PRSS53: variants seen among roughly 807,000 people sequenced by gnomAD.
The protein encoded by PRSS53 is serine protease 53, also known as EDTP308.
Under a neutral mutation model 62.7 loss-of-function variants are expected in PRSS53, and 54 were observed. That is an observed-to-expected ratio of 0.86 (90% CI 0.69 to 1.08). PRSS53 has a LOEUF of 1.08. PRSS53 is among the 50% of genes least tolerant of loss of function. The pLI, the probability that PRSS53 is intolerant of heterozygous loss-of-function variation, is 0.00. For missense variants in PRSS53, 688 were observed against 728.3 expected, an observed-to-expected ratio of 0.94 and a Z score of 0.64; for synonymous variants, 273 against 300.0, an observed-to-expected ratio of 0.91 and a Z score of 0.93.
Position 31,085,105 on chromosome 16 carries a change from C to CT in PRSS53, c.1034+4dup. 6.2e-7 allele frequency: 1 copy of CT among 1,613,078 alleles called. No homozygotes were observed. The highest frequency in any genetic ancestry group is 8.5e-7 in the Non-Finnish European group (1 of 1,179,692). On this transcript the variant is annotated splice_donor_region_variant and intron_variant, in intron 7 of 10. Coordinates refer to ENST00000280606, the Ensembl canonical transcript of PRSS53. ...GGGCACAGCAGAGAGGGATCCAAGA[C>CT]TCACCCAATGAAGCAGTGGGCAGCA...
chr16:31,088,429 A>T, intron 1 of PRSS53: 1 of 1,227,000 alleles, frequency 8.1e-7, no homozygotes, highest in Non-Finnish European at 1.0e-6. Context: ...AGGGAAACTG[A>T]GGCCAGAGGA....
At chr16:31,088,688 G>A (rs1454978366) in intron 1 of PRSS53, 64 bp downstream of exon 1, 8 of 1,607,386 alleles carry the variant, frequency 5.0e-6, no homozygotes, top group Middle Eastern at 2.1e-4. Flanking sequence ...AGGGACTGCT[G>A]GGGCAGAGAT....
At position 31,087,059 on chromosome 16, in the gene PRSS53, T is replaced by C. The variant is rs968492981; in HGVS notation, c.243-161A>G. Reference sequence around the variant, plus strand: ...TCGCCCAGGCTGCAGTGCAGTGGCATGACCATGACTCACTACAAGCCTTGA... The same window carrying C: ...TCGCCCAGGCTGCAGTGCAGTGGCACGACCATGACTCACTACAAGCCTTGA... On this transcript the variant is annotated intron_variant, in intron 3 of 10. Coordinates refer to ENST00000280606, the Ensembl canonical transcript of PRSS53. The C allele has an allele frequency of 8.6e-6, 6 of 696,710 alleles. No individual in the cohort carries two copies. In the Admixed American group the frequency reaches 1.0e-4, roughly 12 times the overall value. The allele number at this position is 696,710 out of a possible 1,614,324, so 43.2% of individuals were successfully genotyped here. A position where few individuals can be genotyped will look rare whatever the true frequency, so the allele number is the denominator to read the frequency against.
rs572544691 is a variant in PRSS53, at chr16:31,084,442, C to G, written c.1426-107G>C. On this transcript the variant is annotated intron_variant, in intron 9 of 10. Coordinates refer to ENST00000280606, the Ensembl canonical transcript of PRSS53. ...GTTTGGGGGCTAATTGGCAAAAAGG[C>G]TTAGTTTCAGGTGGGAGGTGGGTCC... 29 of 1,495,108 alleles carry G rather than the reference C, an allele frequency of 1.9e-5. No homozygotes were observed. In the African/African-American group the frequency reaches 3.5e-4, roughly 18 times the overall value. 92.6% of individuals were successfully genotyped at this position (1,495,108 alleles called of 1,614,324 possible).
chr16:31,084,669 G>A lies in PRSS53; in HGVS notation c.1314C>T (p.Leu438=), dbSNP rs747541964. ...GCCGGCTGCAGGCCCTAGGCCCCAGGAGGGTCACGGGCACTGTCTGGAGGG... is the reference window on the plus strand; with the variant it reads ...GCCGGCTGCAGGCCCTAGGCCCCAGAAGGGTCACGGGCACTGTCTGGAGGG... Residue 438 remains leucine, a synonymous_variant, in exon 9 of 11, where the codon CTC becomes CTT. Transcript: ENST00000280606. 5.0e-6 allele frequency: 8 copies of A among 1,611,768 alleles called. No homozygotes were observed. The South Asian group carries it at 6.6e-5, about 13-fold the overall frequency.
In PRSS53 at chr16:31,088,028, TA is replaced by T. The variant is rs1337329843; in HGVS notation, c.59-203del. ...CTATTCAGTGTGCACACTCAGTAAT[TA>T]ATTCTCCTTCAGCTGTGCTCAGCAC... On this transcript the variant is annotated intron_variant, in intron 1 of 10. Coordinates refer to ENST00000280606, the Ensembl canonical transcript of PRSS53. The T allele has an allele frequency of 3.4e-5, 50 of 1,463,688 alleles. No individual in the cohort carries two copies. The Middle Eastern group carries it at 7.5e-4, about 22-fold the overall frequency. 90.7% of individuals were successfully genotyped at this position (1,463,688 alleles called of 1,614,324 possible).
intron 1 of PRSS53, chr16:31,088,499 G>C: frequency 7.2e-7 from 1 of 1,382,816 alleles, no homozygotes. Flanking sequence ...CAGGACACAC[G>C]CAGGCAGCAC....
intron 4 of PRSS53, 61 bp from the exon 5 acceptor site, chr16:31,086,552 A>C: frequency 6.4e-7 from 1 of 1,571,520 alleles, no homozygotes; most frequent in Non-Finnish European, 8.7e-7. Flanking sequence ...GGAGACTGGA[A>C]GCCAGGACAG....
At chr16:31,086,981 G>A in intron 3 of PRSS53, 83 bp from the exon 4 acceptor site, 4 of 1,410,432 alleles carry the variant, frequency 2.8e-6, no homozygotes, top group Non-Finnish European at 3.8e-6. Context: ...GTAGGTGGAA[G>A]ATAGCAGAGA....
Position 31,087,635 on chromosome 16 carries a change from C to T in PRSS53, c.144G>A (p.Trp48Ter). 6.2e-7 allele frequency: 1 copy of T among 1,610,418 alleles called. No homozygotes were observed. Among genetic ancestry groups the T allele is most frequent in the South Asian group, 1.1e-5 (1 of 90,230 alleles). The change falls in exon 3 of 11, where the codon TGG becomes TGA. Residue 48 changes from tryptophan to a stop codon, truncating the protein, a stop_gained. Transcript: ENST00000280606. LOFTEE classifies it high-confidence loss of function. ...GCCTCCTCACACTGGCCTGCCAGGG[C>T]CACTCGCCAGGGACTGTGTTGCCCT...
chr16:31,083,486 C>A, exon 11 of PRSS53: 1 of 1,324,946 alleles, frequency 7.5e-7, no homozygotes, highest in South Asian at 2.1e-5. Context: ...AACTGCTGCC[C>A]CCCAAAAAAA....
chr16:31,083,967 G>A (rs953522751), intron 10 of PRSS53, 152 bp downstream of exon 10: 17 of 1,497,220 alleles, frequency 1.1e-5, no homozygotes, highest in African/African-American at 1.4e-5. Flanking sequence ...CAAGTCACAC[G>A]ATGACAAAGA....
exon 11 of PRSS53, chr16:31,083,449 C>A: frequency 7.7e-7 from 1 of 1,302,786 alleles, no homozygotes. Flanking sequence ...TATTTTGTAA[C>A]AATTTATTTA....
Position 31,086,220 on chromosome 16 carries a change from A to T in PRSS53, c.664-37T>A, listed in dbSNP as rs761846600. On this transcript the variant is annotated intron_variant, in intron 5 of 10. Transcript: ENST00000280606. ...CAACAAAGCCAAGGACAGATGCCTG[A>T]GCCCAGCTATGGCAGACACCCTCTG... The T allele has an allele frequency of 1.6e-5, 26 of 1,597,704 alleles. No homozygotes were observed. The Admixed American group carries it at 4.3e-4, about 27-fold the overall frequency.
intron 1 of PRSS53, chr16:31,088,283 ACTCAGT>A: frequency 8.9e-7 from 1 of 1,124,738 alleles, no homozygotes; most frequent in South Asian, 2.4e-5. Context: ...TGGTCTAGAG[ACTCAGT>A]CTTCCCCACC....
rs756587640 is a variant in PRSS53 at position 31,087,788 on chromosome 16, C to T, written c.79+18G>A. The T allele has an allele frequency of 8.4e-5, 135 of 1,613,970 alleles. No homozygotes were observed. Among genetic ancestry groups the T allele is most frequent in the Non-Finnish European group, 1.1e-4 (126 of 1,180,018 alleles). ...CCAGACCCAAGTAAGACCTAGGCCC[C>T]GTGTCCCCAGACCTTACCACGCTGA... On this transcript the variant is annotated intron_variant, in intron 2 of 10. Coordinates refer to ENST00000280606, the Ensembl canonical transcript of PRSS53.
rs2057220832 is a variant in PRSS53, at chr16:31,085,276, G to A, written c.884-16C>T. ...GATCCACAGGCTGAAACAGATAAGT[G>A]CCTCATCTGACTTCTTGCTAAGCAC... is the stretch of plus-strand genomic sequence containing the variant. On this transcript the variant is annotated splice_polypyrimidine_tract_variant and intron_variant, in intron 6 of 10. Transcript: ENST00000280606. 6.5e-7 allele frequency: 1 copy of A among 1,529,762 alleles called. No individual in the cohort carries two copies. The highest frequency in any genetic ancestry group is 2.2e-5 in the Admixed American group (1 of 45,992). 94.8% of individuals were successfully genotyped at this position (1,529,762 alleles called of 1,614,324 possible).
chr16:31,086,793 C>T (rs375934235), exon 4 of PRSS53: 70 of 1,613,346 alleles, frequency 4.3e-5, no homozygotes, highest in African/African-American at 1.1e-4. Flanking sequence ...AGGCCCTGGG[C>T]AACTGCAGGG....
chr16:31,087,074 ACAAGCCTTGACCTC>A, intron 3 of PRSS53, 176 bp from the exon 4 acceptor site: 1 of 635,470 alleles, frequency 1.6e-6, no homozygotes, highest in African/African-American at 1.9e-5. Context: ...ATGACTCACT[ACAAGCCTTGACCTC>A]CCAGGCTCAA....
Sources: gnomAD v4.1 joint callset for allele counts on GRCh38, gnomAD v4.1.1 for gene constraint, MANE v1.5 for transcripts, NCBI Gene and HGNC (gene_info 2026-07-23, HGNC 2026-07-21) for gene names.